Variants in RSF1 observed in about 807,000 individuals in gnomAD.
The protein encoded by RSF1 is HBV pX-associated protein 8.
A neutral mutation model predicts 145.2 loss-of-function variants in RSF1; 13 were observed. The observed-to-expected ratio is 0.09, with a 90% CI of 0.06 to 0.14. The LOEUF (loss-of-function observed/expected upper bound fraction) is 0.14. Ranked by LOEUF, RSF1 falls within the 10% of genes least tolerant of loss-of-function variation. The probability of loss-of-function intolerance (pLI) is 1.00; values close to 1 mark genes in which losing one functional copy is unlikely to be tolerated. For synonymous variants in RSF1, 577 were observed against 592.6 expected, an observed-to-expected ratio of 0.97 and a Z score of 0.38; for missense variants, 1,517 against 1,718.2, an observed-to-expected ratio of 0.88 and a Z score of 2.07.
rs1334132080 is a variant in RSF1, at chr11:77,701,546, C to T, written c.1683G>A (p.Ser561=). 14 of 1,613,894 alleles carry T rather than the reference C, an allele frequency of 8.7e-6. No individual in the cohort carries two copies. Among genetic ancestry groups the T allele is most frequent in the South Asian group, 1.1e-5 (1 of 91,074 alleles). ...ACTTCTCTTCACCTTTCATGGTACA[C>T]GACTCGGTGGAAGATAAAGCAGTTT... ...SSKTALSSTE[S]CTMKGEEKSP... The change falls in exon 6 of 16, where the codon TCG becomes TCA. Residue 561 remains serine (S), a synonymous_variant. Transcript: ENST00000308488.
At chr11:77,716,074 CT>C (rs1231822031) in intron 5 of RSF1, among the ~76,000 whole-genome samples, 9 of 152,100 alleles carry the variant, frequency 5.9e-5, no homozygotes, top group Admixed American at 2.6e-4. Flanking sequence ...GAGTTATCAC[CT>C]AACGCCTGTT....
chr11:77,843,935 G>A, the RSF1 span, among the ~76,000 whole-genome samples: 6 of 152,198 alleles, frequency 3.9e-5, no homozygotes, highest in East Asian at 1.9e-4. Context: ...AGAAACTCTC[G>A]TTTTTAAAAC....
chr11:77,833,157 T>C, the RSF1 span, among the ~76,000 whole-genome samples: 1 of 151,314 alleles, frequency 6.6e-6, no homozygotes, highest in East Asian at 1.9e-4. Context: ...CTACAGGCAT[T>C]CACCACCACA....
intron 9 of RSF1, among the ~76,000 whole-genome samples, chr11:77,687,372 T>A (rs867162455): frequency 7.9e-5 from 12 of 152,130 alleles, no homozygotes; most frequent in African/African-American, 2.7e-4. Context: ...AAAGTCATAA[T>A]TACAGATGTC....
At chr11:77,678,451 G>A (rs1959772736) in intron 11 of RSF1, among the ~76,000 whole-genome samples, 2 of 152,098 alleles carry the variant, frequency 1.3e-5, no homozygotes, top group Admixed American at 6.5e-5. Context: ...TCGACCTCGT[G>A]ATCTGCCCGC....
chr11:77,672,271 C>T (rs757434555), intron 14 of RSF1, 41 bp from the exon 15 acceptor site: 9 of 1,502,222 alleles, frequency 6.0e-6, no homozygotes, highest in Non-Finnish European at 8.1e-6. Flanking sequence ...AAATTTAAGT[C>T]TATTTAGAAA....
intron 1 of RSF1, among the ~76,000 whole-genome samples, chr11:77,767,718 C>A (rs1262634849): frequency 6.6e-6 from 1 of 152,150 alleles, no homozygotes; most frequent in East Asian, 1.9e-4. Flanking sequence ...TACCAGCAAC[C>A]TTTTTGTCCC....
intron 14 of RSF1, among the ~76,000 whole-genome samples, chr11:77,673,546 G>T (rs76005438): frequency 6.6e-6 from 1 of 152,152 alleles, no homozygotes; most frequent in Non-Finnish European, 1.5e-5. Context: ...AAGAATCCAC[G>T]AGTTTACACT....
chr11:77,752,193 C>T (rs1236993495), intron 2 of RSF1, among the ~76,000 whole-genome samples: 1 of 152,182 alleles, frequency 6.6e-6, no homozygotes, highest in African/African-American at 2.4e-5. Context: ...CCTGAAAAAT[C>T]GAGCTGCAAA....
rs71046906 is a variant in RSF1, at chr11:77,700,349, C to CAAAAAA, written c.2508+366_2508+371dup. ...CTGGCGACAGAGCAAGACTGTCTCA[C>CAAAAAA]AAAAAAAAAAAAAAAAAAAAAAAAA... is the stretch of plus-strand genomic sequence containing the variant. On this transcript the variant is annotated intron_variant, in intron 6 of 15. Transcript: ENST00000308488. 3.4e-3 allele frequency among the ~76,000 whole-genome samples: 159 copies of CAAAAAA among 47,200 alleles called. 6 individuals are homozygous for CAAAAAA. Among genetic ancestry groups the CAAAAAA allele is most frequent in the African/African-American group, 5.8e-3 (76 of 13,006 alleles). The allele number at this position is 47,200 out of a possible 152,430, so 31.0% of individuals were successfully genotyped here. A position where few individuals can be genotyped will look rare whatever the true frequency, so the allele number is the denominator to read the frequency against.
At chr11:77,869,040 T>C in the RSF1 span, 3 of 342,818 alleles carry the variant, frequency 8.8e-6, no homozygotes, top group South Asian at 7.4e-5. Flanking sequence ...TGTGGGACAT[T>C]CCTTTTTGAA....
At chr11:77,700,648 T>A (rs1960395971) in intron 6 of RSF1, 73 bp downstream of exon 6, 1 of 1,161,044 alleles carries the variant, frequency 8.6e-7, no homozygotes, top group African/African-American at 1.6e-5. Flanking sequence ...GATGACTAAG[T>A]TTTAGACAAA....
intron 11 of RSF1, 63 bp from the exon 12 acceptor site, chr11:77,678,216 A>AT (rs1959764263): frequency 1.2e-6 from 1 of 801,882 alleles, no homozygotes; most frequent in Non-Finnish European, 1.7e-6. Flanking sequence ...TTTTTTAATT[A>AT]TTTTTATTTA....
intron 1 of RSF1, among the ~76,000 whole-genome samples, chr11:77,781,270 T>G (rs1948401218): frequency 1.3e-5 from 2 of 152,164 alleles, no homozygotes; most frequent in Admixed American, 6.5e-5. Flanking sequence ...AGCTAATTTT[T>G]GTATTTTTAA....
intron 1 of RSF1, among the ~76,000 whole-genome samples, chr11:77,817,534 T>A (rs751138978): frequency 7.9e-5 from 12 of 152,170 alleles, no homozygotes; most frequent in Non-Finnish European, 1.6e-4. Flanking sequence ...AAATTTAAAC[T>A]ATCAGATGGA....
chr11:77,750,295 T>C (rs1590866355), intron 2 of RSF1, among the ~76,000 whole-genome samples: 1 of 152,222 alleles, frequency 6.6e-6, no homozygotes, highest in African/African-American at 2.4e-5. Context: ...AGAAATAATT[T>C]AGGCACTATA....
At chr11:77,776,239 G>GA (rs1948341203) in intron 1 of RSF1, among the ~76,000 whole-genome samples, 1 of 151,946 alleles carries the variant, frequency 6.6e-6, no homozygotes, top group Non-Finnish European at 1.5e-5. Flanking sequence ...CAAAAACGGG[G>GA]AAAAAACCTT....
At chr11:77,725,454 T>A in intron 5 of RSF1, 91 bp downstream of exon 5, 1 of 1,073,024 alleles carries the variant, frequency 9.3e-7, no homozygotes, top group South Asian at 4.0e-5. Flanking sequence ...CAAATTGAGA[T>A]AGAAATTCAG....
At chr11:77,830,307 A>G in the RSF1 span, among the ~76,000 whole-genome samples, 1 of 152,212 alleles carries the variant, frequency 6.6e-6, no homozygotes, top group African/African-American at 2.4e-5. Flanking sequence ...ACTGTTTATC[A>G]TGAATGCAGA....
Sources: allele counts gnomAD v4.1 joint callset (sites outside exome capture counted in the v4.1 genomes callset), GRCh38; gene constraint gnomAD v4.1.1; transcripts MANE v1.5; gene names NCBI Gene and HGNC (gene_info 2026-07-23, HGNC 2026-07-21).